The following CLSTN2 variants were observed in gnomAD, a reference collection of about 807,000 sequenced individuals.
CLSTN2 encodes the protein calsyntenin-2.
Under a neutral mutation model 101.2 loss-of-function variants are expected in CLSTN2, and 48 were observed. The observed-to-expected ratio is 0.47, with a 90% confidence interval of 0.38 to 0.60. The LOEUF (loss-of-function observed/expected upper bound fraction) is 0.60, where lower values mean the gene tolerates loss of function less well. CLSTN2 is among the 20% of genes least tolerant of loss of function. The pLI is 0.00. For synonymous variants in CLSTN2, 481 were observed against 463.6 expected (o/e 1.04, Z -0.48); for missense variants, 1,160 against 1,238.2 (o/e 0.94, Z 0.95).
At chr3:140,052,190 G>A (rs1335851063) in intron 1 of CLSTN2, among the ~76,000 whole-genome samples, 7 of 151,966 alleles carry the variant, frequency 4.6e-5, no homozygotes, top group African/African-American at 1.2e-4. Flanking sequence ...ACAGAGTCTC[G>A]CTCTGTCGCC....
intron 1 of CLSTN2, among the ~76,000 whole-genome samples, chr3:139,947,238 C>T (rs1224944412): frequency 6.6e-6 from 1 of 152,210 alleles, no homozygotes; most frequent in Non-Finnish European, 1.5e-5. Context: ...GGATTCTTCT[C>T]CCTGACTCTG....
Position 139,963,476 on chromosome 3 carries a change from G to A in CLSTN2, c.109+27993G>A, listed in dbSNP as rs187735411. Reference sequence around the variant, plus strand: ...AGTGGTGATATGGGTAGGAAGAATTGAAAATAGCTCACACATGACCCACCT... The same window carrying A: ...AGTGGTGATATGGGTAGGAAGAATTAAAAATAGCTCACACATGACCCACCT... On this transcript the variant is annotated intron_variant, in intron 1 of 16. Transcript: ENST00000458420. Among the ~76,000 whole-genome samples the A allele has an allele frequency of 3.3e-5, 5 of 152,214 alleles. No individual in the cohort carries two copies. The East Asian group carries it at 9.7e-4, about 29-fold the overall frequency.
At chr3:140,127,949 C>T (rs1283655745) in intron 1 of CLSTN2, among the ~76,000 whole-genome samples, 2 of 152,188 alleles carry the variant, frequency 1.3e-5, no homozygotes, top group Middle Eastern at 3.4e-3. Flanking sequence ...TTTAAATAAT[C>T]ATAGTAATAA....
chr3:140,288,419 C>T (rs1200829632), intron 2 of CLSTN2, among the ~76,000 whole-genome samples: 1 of 152,088 alleles, frequency 6.6e-6, no homozygotes, highest in Middle Eastern at 3.2e-3. Flanking sequence ...CTCAGATATC[C>T]AGCTGTTCCA....
intron 2 of CLSTN2, among the ~76,000 whole-genome samples, chr3:140,342,891 A>T (rs1576523939): frequency 6.6e-6 from 1 of 152,280 alleles, no homozygotes; most frequent in East Asian, 1.9e-4. Context: ...AGATGCTTAC[A>T]TGGTGTCTCA....
At position 140,190,958 on chromosome 3, in the gene CLSTN2, A is replaced by G. The variant is rs78879438; in HGVS notation, c.232+14885A>G. ...TAGAACTTCCAGCATGATATTGAAC[A>G]GAGGTGATGAGAGAAGATATCCTTG... On this transcript the variant is annotated intron_variant, in intron 2 of 16. Transcript: ENST00000458420. 9.8e-3 allele frequency among the ~76,000 whole-genome samples: 1,492 copies of G among 152,208 alleles called. 29 individuals carry two copies. The highest frequency in any genetic ancestry group is 0.034 in the African/African-American group (1,418 of 41,556).
chr3:140,423,725 G>A (rs1201035501), intron 5 of CLSTN2, among the ~76,000 whole-genome samples: 1 of 152,044 alleles, frequency 6.6e-6, no homozygotes, highest in Non-Finnish European at 1.5e-5. Flanking sequence ...ACAGTACCAG[G>A]CTTATCAGTA....
At chr3:140,205,996 A>T (rs2010777311) in intron 2 of CLSTN2, among the ~76,000 whole-genome samples, 1 of 152,204 alleles carries the variant, frequency 6.6e-6, no homozygotes, top group African/African-American at 2.4e-5. Flanking sequence ...CTACACTAGA[A>T]AGCACAGGAG....
chr3:140,272,894 G>A (rs577269081), intron 2 of CLSTN2, among the ~76,000 whole-genome samples: 1 of 151,930 alleles, frequency 6.6e-6, no homozygotes, highest in East Asian at 1.9e-4. Flanking sequence ...TTCAGTCCTG[G>A]CTTAGTTTTG....
chr3:140,260,154 ATATT>A (rs1011685749), intron 2 of CLSTN2, among the ~76,000 whole-genome samples: 8 of 147,578 alleles, frequency 5.4e-5, no homozygotes, highest in South Asian at 2.1e-4. Flanking sequence ...ATATATATAT[ATATT>A]ATATATAAAA....
chr3:140,076,638 T>TG (rs1357812744), intron 1 of CLSTN2, among the ~76,000 whole-genome samples: 10 of 142,318 alleles, frequency 7.0e-5, no homozygotes, highest in Admixed American at 3.5e-4. Flanking sequence ...TTTTTTTTTT[T>TG]TTTTTTTTTT....
At chr3:139,956,165 T>G (rs887528373) in intron 1 of CLSTN2, among the ~76,000 whole-genome samples, 2 of 152,210 alleles carry the variant, frequency 1.3e-5, no homozygotes, top group Admixed American at 1.3e-4. Context: ...TAAGTAGTGG[T>G]ATTAGGACGT....
At position 140,187,014 on chromosome 3, in the gene CLSTN2, G is replaced by A. The variant is rs559283239; in HGVS notation, c.232+10941G>A. Among the ~76,000 whole-genome samples, 5 of 152,320 alleles carry A rather than the reference G, an allele frequency of 3.3e-5. No individual in the cohort carries two copies. The South Asian group carries it at 8.3e-4, about 25-fold the overall frequency. ...CTCTACCAGGCTGTGGGTTGCAAGG[G>A]GAAAATCTTTATTCTCTTTGTCCCC... is the stretch of plus-strand genomic sequence containing the variant. On this transcript the variant is annotated intron_variant, in intron 2 of 16. Coordinates refer to ENST00000458420, the MANE Select transcript of CLSTN2 (RefSeq NM_022131.3).
Position 140,459,634 on chromosome 3 carries a change from G to A in CLSTN2, c.1087G>A (p.Gly363Ser), listed in dbSNP as rs746443873. Residue 363 changes from glycine to serine, a missense_variant, in exon 7 of 17, where the codon GGT becomes AGT. Physicochemically the swap from Gly to Ser is moderately conservative, Grantham distance 56 (BLOSUM62 0). Coordinates refer to ENST00000458420, the MANE Select transcript of CLSTN2 (RefSeq NM_022131.3). ...EMIFKFDGRQ[G>S]AKVPDGIVPK... ...GATCTTCAAGTTTGACGGCAGGCAG[G>A]GTGCCAAAGTCCCCGATGGGATTGT... is the stretch of plus-strand genomic sequence containing the variant. 2 of 1,614,130 alleles carry A rather than the reference G, an allele frequency of 1.2e-6. No homozygotes were observed. Among genetic ancestry groups the A allele is most frequent in the East Asian group, 2.2e-5 (1 of 44,852 alleles).
At chr3:139,948,210 AATACTACCCAT>A (rs1935241561) in intron 1 of CLSTN2, among the ~76,000 whole-genome samples, 1 of 152,098 alleles carries the variant, frequency 6.6e-6, no homozygotes, top group African/African-American at 2.4e-5. Flanking sequence ...CACTCCTTAA[AATACTACCCAT>A]AATGGAGAGA....
At chr3:140,088,026 T>C (rs1560090866) in intron 1 of CLSTN2, among the ~76,000 whole-genome samples, 1 of 152,132 alleles carries the variant, frequency 6.6e-6, no homozygotes, top group Non-Finnish European at 1.5e-5. Context: ...CTCTGGGGGC[T>C]CAACAGGAGG....
At chr3:140,361,814 A>G (rs1187570696) in intron 2 of CLSTN2, among the ~76,000 whole-genome samples, 1 of 152,156 alleles carries the variant, frequency 6.6e-6, no homozygotes, top group Non-Finnish European at 1.5e-5. Flanking sequence ...AACATAGCTC[A>G]GAAAAAAAAT....
chr3:140,448,826 T>C (rs1933162713), intron 6 of CLSTN2, 122 bp downstream of exon 6: 1 of 841,602 alleles, frequency 1.2e-6, no homozygotes, highest in South Asian at 2.1e-5. Context: ...TATGTGTAAC[T>C]CCTGGATGGA....
chr3:140,546,906 T>C (rs1935605356), intron 10 of CLSTN2, among the ~76,000 whole-genome samples: 1 of 152,162 alleles, frequency 6.6e-6, no homozygotes, highest in African/African-American at 2.4e-5. Context: ...ATCAAGCCCT[T>C]GTGTATAATC....
Sources: allele counts gnomAD v4.1 joint callset (sites outside exome capture counted in the v4.1 genomes callset), GRCh38; gene constraint gnomAD v4.1.1; transcripts MANE v1.5; gene names NCBI Gene and HGNC (gene_info 2026-07-23, HGNC 2026-07-21).